NT5DC4: variants seen among roughly 807,000 people sequenced by gnomAD.
The protein encoded by NT5DC4 is 5'-nucleotidase domain containing 4.
Under a neutral mutation model 26.6 loss-of-function variants are expected in NT5DC4, and 44 were observed. The observed-to-expected ratio is 1.65, with a 90% confidence interval of 1.30 to 2.13. The LOEUF (loss-of-function observed/expected upper bound fraction) is 2.13. Among genes scored for constraint, NT5DC4 ranks in the 30% most tolerant of loss-of-function variants. The probability of loss-of-function intolerance (pLI) is 0.00; values close to 1 mark genes in which losing one functional copy is unlikely to be tolerated. For missense variants in NT5DC4, 399 were observed against 228.1 expected, an observed-to-expected ratio of 1.75 and a Z score of -4.83; for synonymous variants, 157 against 86.7, an observed-to-expected ratio of 1.81 and a Z score of -4.51.
chr2:112,730,332 G>T (rs77041012), intron 16 of NT5DC4, among the ~76,000 whole-genome samples: 1 of 67,170 alleles, frequency 1.5e-5, no homozygotes, highest in Admixed American at 1.4e-4. Flanking sequence ...AAAAAAAAAA[G>T]CGACAGTTGG....
chr2:112,735,036 A>G (rs1055988538), intron 16 of NT5DC4, among the ~76,000 whole-genome samples: 42 of 104,788 alleles, frequency 4.0e-4, no homozygotes, highest in Non-Finnish European at 3.3e-4. Context: ...GGAGGCAAGA[A>G]CATTTTTTTT....
At position 112,722,231 on chromosome 2, in the gene NT5DC4, C is replaced by T. The variant is rs1484782007; in HGVS notation, c.315C>T (p.Ala105=). 1.4e-6 allele frequency: 1 copy of T among 717,028 alleles called. No homozygotes were observed. Among genetic ancestry groups the T allele is most frequent in the Non-Finnish European group, 2.6e-6 (1 of 385,086 alleles). The allele number at this position is 717,028 out of a possible 1,614,324, so 44.4% of individuals were successfully genotyped here. A position where few individuals can be genotyped will look rare whatever the true frequency, so the allele number is the denominator to read the frequency against. Residue 105 remains alanine, a synonymous_variant, in exon 4 of 17, where the codon GCC becomes GCT. Transcript: ENST00000688554. ...ELYGNLLKVD[A]HGNVLLGAYG... is the part of the protein sequence containing the mutation. ...ATGGGAACCTGCTGAAGGTGGACGCCCACGGGAATGTGCTGCTGGGTGCCT... is the reference window on the plus strand; with the variant it reads ...ATGGGAACCTGCTGAAGGTGGACGCTCACGGGAATGTGCTGCTGGGTGCCT...
upstream of NT5DC4, among the ~76,000 whole-genome samples, chr2:112,720,712 T>C (rs1676795517): frequency 6.6e-6 from 1 of 152,226 alleles, no homozygotes; most frequent in South Asian, 2.1e-4. Context: ...ATTTCTTTTA[T>C]CATGAGTACA....
chr2:112,719,481 CTTTTTT>C (rs57789268), upstream of NT5DC4, among the ~76,000 whole-genome samples: 2 of 101,290 alleles, frequency 2.0e-5, no homozygotes, highest in African/African-American at 7.3e-5. Flanking sequence ...ACTTGTCTGT[CTTTTTT>C]TTTTTTTTTT....
At position 112,738,918 on chromosome 2, in the gene NT5DC4, C is replaced by T. The variant is rs764190369; in HGVS notation, c.1350C>T (p.Ile450=). Residue 450 remains isoleucine, a synonymous_variant, in exon 17 of 17, where the codon ATC becomes ATT. Coordinates refer to ENST00000688554, the MANE Select transcript of NT5DC4 (RefSeq NM_001393655.1). Reference sequence around the variant, plus strand: ...GTTTCTTCCACTTCTAACAGTTCATCAAGAGAAGCCACTACTAAATCGTGT... The same window carrying T: ...GTTTCTTCCACTTCTAACAGTTCATTAAGAGAAGCCACTACTAAATCGTGT... The part of the protein sequence containing the change: ...SCLLSCNQRF[I]KRSHY 4.3e-6 allele frequency: 7 copies of T among 1,614,128 alleles called. No homozygotes were observed. Among genetic ancestry groups the T allele is most frequent in the Non-Finnish European group, 5.9e-6 (7 of 1,179,992 alleles).
chr2:112,719,840 T>TTCCTTCCCTCCCTCCCTCCC (rs763010206), upstream of NT5DC4, among the ~76,000 whole-genome samples: 6 of 78,420 alleles, frequency 7.7e-5, no homozygotes, highest in East Asian at 1.1e-3. Flanking sequence ...CCTTCCTTCC[T>TTCCTTCCCTCCCTCCCTCCC]TCCCTCCCTC....
rs1677044096 is a variant in NT5DC4, at chr2:112,722,600, G to T, written c.469+11G>T. The T allele has an allele frequency of 1.4e-6, 1 of 717,392 alleles. No individual in the cohort carries two copies. The highest frequency in any genetic ancestry group is 2.6e-6 in the Non-Finnish European group (1 of 385,098). The allele number at this position is 717,392 out of a possible 1,614,324, so 44.4% of individuals were successfully genotyped here. ...TCTTCAACCTGCCTGGTGGGTGGAG[G>T]GTTGGGGGCACGGGAGGTGGTCCTG... On this transcript the variant is annotated intron_variant, in intron 5 of 16. Transcript: ENST00000688554.
rs1010662947 is a variant in NT5DC4, at chr2:112,722,479, C to T, written c.363-4C>T. The stretch of plus-strand genomic sequence containing the variant: ...ACTGGGGAGGGGTCATTGGCTGCAC[C>T]CAGCCTACCCCTCCTCAGGGCAGAG... On this transcript the variant is annotated splice_polypyrimidine_tract_variant and splice_region_variant and intron_variant, in intron 4 of 16. Coordinates refer to ENST00000688554, the MANE Select transcript of NT5DC4 (RefSeq NM_001393655.1). 1.7e-5 allele frequency: 12 copies of T among 717,088 alleles called. No individual in the cohort carries two copies. Among genetic ancestry groups the T allele is most frequent in the Non-Finnish European group, 2.9e-5 (11 of 385,054 alleles). 44.4% of individuals were successfully genotyped at this position (717,088 alleles called of 1,614,324 possible).
At chr2:112,742,068 G>A (rs1184773597), downstream of NT5DC4, among the ~76,000 whole-genome samples, 1 of 151,328 alleles carries the variant, frequency 6.6e-6, no homozygotes, top group East Asian at 1.9e-4. Context: ...GGGATTACAG[G>A]CGTGAGCTAC....
chr2:112,724,636 G>T (rs1243409703), intron 10 of NT5DC4, 145 bp from the exon 11 acceptor site: 1 of 619,172 alleles, frequency 1.6e-6, no homozygotes, highest in South Asian at 1.9e-5. Flanking sequence ...GGGAAGCTGG[G>T]CAGCGAGACC....
upstream of NT5DC4, among the ~76,000 whole-genome samples, chr2:112,720,525 C>G (rs60911787): frequency 0.038 from 5,798 of 152,146 alleles, 361 homozygotes; most frequent in African/African-American, 0.13. Flanking sequence ...AGTGGTTCTG[C>G]TTTTTGACAC....
rs71414692 is a variant in NT5DC4 at position 112,729,765 on chromosome 2, C to T, written c.1344+61C>T. 7.1e-3 allele frequency: 5,066 copies of T among 716,190 alleles called. 40 individuals are homozygous for T. The highest frequency in any genetic ancestry group is 0.011 in the Non-Finnish European group (4,095 of 384,704). 44.4% of individuals were successfully genotyped at this position (716,190 alleles called of 1,614,324 possible). A position where few individuals can be genotyped will look rare whatever the true frequency, so the allele number is the denominator to read the frequency against. On this transcript the variant is annotated intron_variant, in intron 16 of 16. Coordinates refer to ENST00000688554, the MANE Select transcript of NT5DC4 (RefSeq NM_001393655.1). ...GGTCCCATGGGCTAGAGTAGTGGTT[C>T]CCAGTGGGGTTGTATCAACCCCAGG...
upstream of NT5DC4, among the ~76,000 whole-genome samples, chr2:112,720,490 TTAGAACTC>T: frequency 6.6e-6 from 1 of 152,160 alleles, no homozygotes; most frequent in East Asian, 1.9e-4. Flanking sequence ...CAGGGAGTAT[TTAGAACTC>T]TACACTAAAT....
chr2:112,720,984 T>G (rs1333984152), upstream of NT5DC4, among the ~76,000 whole-genome samples: 1 of 152,268 alleles, frequency 6.6e-6, no homozygotes, highest in East Asian at 1.9e-4. Context: ...CAGTGGTGCC[T>G]GAAGCTTCTG....
upstream of NT5DC4, among the ~76,000 whole-genome samples, chr2:112,720,484 G>A (rs1676779458): frequency 6.6e-6 from 1 of 152,162 alleles, no homozygotes; most frequent in Non-Finnish European, 1.5e-5. Flanking sequence ...GGCCCTCAGG[G>A]AGTATTTAGA....
Position 112,738,927 on chromosome 2 carries a change from C to G in NT5DC4, c.1359C>G (p.Ser453Arg). Residue 453 changes from serine to arginine, a missense_variant, in exon 17 of 17, where the codon AGC becomes AGG. Coordinates refer to ENST00000688554, the MANE Select transcript of NT5DC4 (RefSeq NM_001393655.1). The stretch of plus-strand genomic sequence containing the variant: ...ACTTCTAACAGTTCATCAAGAGAAG[C>G]CACTACTAAATCGTGTTCCTGCAGC... ...LSCNQRFIKR[S>R]HY 1 of 1,614,074 alleles carries G rather than the reference C, an allele frequency of 6.2e-7. No individual in the cohort carries two copies. Among genetic ancestry groups the G allele is most frequent in the South Asian group, 1.1e-5 (1 of 91,080 alleles).
Position 112,721,988 on chromosome 2 carries a change from T to G in NT5DC4, c.151T>G (p.Tyr51Asp), listed in dbSNP as rs1676933838. 1 of 717,132 alleles carries G rather than the reference T, an allele frequency of 1.4e-6. No individual in the cohort carries two copies. Among genetic ancestry groups the G allele is most frequent in the Admixed American group, 2.0e-5 (1 of 50,000 alleles). The allele number at this position is 717,132 out of a possible 1,614,324, so 44.4% of individuals were successfully genotyped here. ...GFDMDYTLAA[Y>D]KSPAYEALTF... ...TGATTCTGTCCGGGCCTCTGCAGCCTACAAGTCCCCAGCTTATGAGGCCCT... is the reference window on the plus strand; with the variant it reads ...TGATTCTGTCCGGGCCTCTGCAGCCGACAAGTCCCCAGCTTATGAGGCCCT... Residue 51 changes from tyrosine (Y) to aspartate (D), a missense_variant and splice_region_variant, in exon 3 of 17, where the codon TAC becomes GAC. Physicochemically the swap from Tyr to Asp is radical, Grantham distance 160 (BLOSUM62 -3). Transcript: ENST00000688554.
downstream of NT5DC4, chr2:112,742,741 A>G: frequency 6.2e-7 from 1 of 1,609,890 alleles, no homozygotes; most frequent in Non-Finnish European, 8.5e-7. Flanking sequence ...CAAGATATTA[A>G]GAACAACTTT....
At chr2:112,724,715 T>C (rs746907235) in intron 10 of NT5DC4, 66 bp from the exon 11 acceptor site, 353 of 699,030 alleles carry the variant, frequency 5.0e-4, no homozygotes, top group Non-Finnish European at 7.0e-4. Context: ...CTGTGGTGGG[T>C]GACTGGCTGT....
Sources: allele counts gnomAD v4.1 joint callset (sites outside exome capture counted in the v4.1 genomes callset), GRCh38; gene constraint gnomAD v4.1.1; transcripts MANE v1.5; gene names NCBI Gene and HGNC (gene_info 2026-07-23, HGNC 2026-07-21).